The following TPST1 variants were observed in gnomAD, a reference collection of about 807,000 sequenced individuals.
TPST1 encodes tyrosylprotein sulfotransferase 1.
TPST1 carries 20 observed loss-of-function variants against 34.8 expected under a neutral mutation model. The ratio of observed to expected loss-of-function variants is 0.57; its 90% CI spans 0.40 to 0.84. The LOEUF (loss-of-function observed/expected upper bound fraction) is 0.84. TPST1 is among the 40% of genes least tolerant of loss of function. The pLI, the probability that TPST1 is intolerant of heterozygous loss-of-function variation, is 0.00. For synonymous variants in TPST1, 152 were observed against 159.4 expected, an observed-to-expected ratio of 0.95 and a Z score of 0.35; for missense variants, 353 against 455.5, an observed-to-expected ratio of 0.78 and a Z score of 2.05.
chr7:66,260,953 C>T (rs897933478), intron 2 of TPST1, among the ~76,000 whole-genome samples: 1 of 152,160 alleles, frequency 6.6e-6, no homozygotes, highest in Non-Finnish European at 1.5e-5. Context: ...TTCGTTCTTT[C>T]CATTTAGCAC....
chr7:66,339,690 G>T (rs1036927100), intron 3 of TPST1, among the ~76,000 whole-genome samples: 1 of 151,988 alleles, frequency 6.6e-6, no homozygotes, highest in African/African-American at 2.4e-5. Flanking sequence ...ACTTGAGGGT[G>T]GGGGGTTGGA....
intron 3 of TPST1, chr7:66,344,268 A>C (rs1244021237): frequency 1.3e-5 from 2 of 152,276 alleles, no homozygotes; most frequent in East Asian, 3.9e-4. Flanking sequence ...GGATATCCAA[A>C]AACTGTGGGA....
chr7:66,244,204 C>T (rs537241800), intron 2 of TPST1, among the ~76,000 whole-genome samples: 40 of 152,192 alleles, frequency 2.6e-4, no homozygotes, highest in African/African-American at 8.7e-4. Context: ...CTGCCTGCCT[C>T]GGCCTCCCAA....
At chr7:66,243,808 A>G (rs1790089011) in intron 2 of TPST1, among the ~76,000 whole-genome samples, 1 of 151,868 alleles carries the variant, frequency 6.6e-6, no homozygotes, top group Non-Finnish European at 1.5e-5. Context: ...TTGGGGAATA[A>G]GGCAGAAAAT....
chr7:66,265,838 T>C (rs769128779), intron 2 of TPST1, among the ~76,000 whole-genome samples: 4 of 152,158 alleles, frequency 2.6e-5, no homozygotes, highest in Admixed American at 6.5e-5. Context: ...AGGCAATGGG[T>C]TGATGTACTC....
At chr7:66,240,030 C>A (rs1214858523) in intron 1 of TPST1, among the ~76,000 whole-genome samples, 2 of 151,892 alleles carry the variant, frequency 1.3e-5, no homozygotes, top group Admixed American at 6.6e-5. Flanking sequence ...TACAGGCACC[C>A]GCCACCATGC....
chr7:66,353,041 A>C, intron 4 of TPST1: 2 of 977,968 alleles, frequency 2.0e-6, no homozygotes, highest in Non-Finnish European at 2.4e-6. Context: ...TAAAGCCAGC[A>C]TGGTGGCTCA....
chr7:66,278,820 A>G (rs1257357901), intron 2 of TPST1, among the ~76,000 whole-genome samples: 2 of 152,194 alleles, frequency 1.3e-5, no homozygotes, highest in Non-Finnish European at 2.9e-5. Flanking sequence ...AGTTTATCAT[A>G]GAAAATTGGA....
intron 2 of TPST1, among the ~76,000 whole-genome samples, chr7:66,272,457 A>G (rs1341277785): frequency 2.0e-5 from 3 of 152,200 alleles, no homozygotes; most frequent in African/African-American, 7.2e-5. Flanking sequence ...AATTAGATAC[A>G]GAAGGAAGGT....
intron 2 of TPST1, among the ~76,000 whole-genome samples, chr7:66,248,811 C>T (rs1307610150): frequency 6.6e-6 from 1 of 152,192 alleles, no homozygotes; most frequent in Non-Finnish European, 1.5e-5. Flanking sequence ...CCGTGCCTGG[C>T]TCAAAACATT....
intron 3 of TPST1, among the ~76,000 whole-genome samples, chr7:66,343,230 C>G (rs879674054): frequency 6.6e-6 from 1 of 152,118 alleles, no homozygotes; most frequent in Non-Finnish European, 1.5e-5. Context: ...ATGATAGATA[C>G]AAAAACAAGG....
chr7:66,201,979 C>T (rs1378284468), upstream of TPST1, among the ~76,000 whole-genome samples: 3 of 151,920 alleles, frequency 2.0e-5, no homozygotes, highest in East Asian at 5.8e-4. Flanking sequence ...CTTCAGTTTC[C>T]CTCCCAGAGA....
chr7:66,243,682 A>G (rs1025221639), intron 2 of TPST1, among the ~76,000 whole-genome samples: 6 of 144,916 alleles, frequency 4.1e-5, no homozygotes, highest in African/African-American at 1.3e-4. Context: ...TCCTGAGTTC[A>G]GGCAATCCAT....
intron 4 of TPST1, among the ~76,000 whole-genome samples, chr7:66,353,241 G>T (rs10950036): frequency 0.23 from 34,816 of 151,948 alleles, 4,174 homozygotes; most frequent in East Asian, 0.3. Context: ...GAACCGGGAG[G>T]TGGAGGTTGC....
At chr7:66,328,880 C>CTT (rs1791929910) in intron 3 of TPST1, among the ~76,000 whole-genome samples, 1 of 30,870 alleles carries the variant, frequency 3.2e-5, no homozygotes, top group African/African-American at 1.9e-4. Context: ...CTCTCTCTCT[C>CTT]TCTCTCTATA....
chr7:66,201,422 G>A (rs1014856818), upstream of TPST1, among the ~76,000 whole-genome samples: 1 of 151,392 alleles, frequency 6.6e-6, no homozygotes, highest in Non-Finnish European at 1.5e-5. Flanking sequence ...TGGGCACGGT[G>A]GCTTACACCT....
rs868323623 is a variant in TPST1 at position 66,255,159 on chromosome 7, A to G, written c.845+13889A>G. ...AGACAACGTCTCAAAAAAAAAAAAA[A>G]AAAAAAAGTTGTTTTTAAGTGGGGA... On this transcript the variant is annotated intron_variant, in intron 2 of 5. Transcript: ENST00000304842. Among the ~76,000 whole-genome samples the G allele has an allele frequency of 5.9e-5, 9 of 151,992 alleles. No individual in the cohort carries two copies. The South Asian group carries it at 1.9e-3, about 32-fold the overall frequency.
In TPST1 at chr7:66,283,995, T is replaced by C. The variant is rs1037765424; in HGVS notation, c.846-2516T>C. ...TATGCTTGATATATATAAAATGTCA[T>C]TTCTGCTGATCTTAAAGAGAAACAC... On this transcript the variant is annotated intron_variant, in intron 2 of 5. Coordinates refer to ENST00000304842, the MANE Select transcript of TPST1 (RefSeq NM_003596.4). Among the ~76,000 whole-genome samples, 10 of 152,218 alleles carry C rather than the reference T, an allele frequency of 6.6e-5. No homozygotes were observed. The East Asian group carries it at 9.6e-4, about 15-fold the overall frequency.
At chr7:66,228,084 T>C (rs1223354852) in intron 1 of TPST1, among the ~76,000 whole-genome samples, 3 of 152,214 alleles carry the variant, frequency 2.0e-5, no homozygotes, top group African/African-American at 7.2e-5. Context: ...TTAGTTTTTG[T>C]ATGTATTTTG....
Sources: gnomAD v4.1 joint callset for allele counts (sites outside exome capture counted in the v4.1 genomes callset) on GRCh38, gnomAD v4.1.1 for gene constraint, MANE v1.5 for transcripts, NCBI Gene and HGNC (gene_info 2026-07-23, HGNC 2026-07-21) for gene names.